STK24: variants seen among roughly 807,000 people sequenced by gnomAD.
STK24 encodes the protein serine/threonine kinase 24, also known as serine/threonine-protein kinase 24.
A neutral mutation model predicts 55.6 loss-of-function variants in STK24; 21 were observed. That is an observed-to-expected ratio of 0.38 (90% confidence interval 0.27 to 0.54). STK24 has a LOEUF of 0.54. STK24 is among the 20% of genes least tolerant of loss of function. The pLI is 0.79. For synonymous variants in STK24, 200 were observed against 215.2 expected (o/e 0.93, Z 0.62); for missense variants, 383 against 538.4 (o/e 0.71, Z 2.86).
chr13:98,508,678 C>A (rs1480596383), intron 2 of STK24: 1 of 152,140 alleles, frequency 6.6e-6, no homozygotes, highest in Non-Finnish European at 1.5e-5. Context: ...GGTTCCATGC[C>A]ATACGAGCTA....
intron 1 of STK24, among the ~76,000 whole-genome samples, chr13:98,559,848 GAAA>G (rs549972044): frequency 7.1e-6 from 1 of 140,148 alleles, no homozygotes; most frequent in Non-Finnish European, 1.6e-5. Context: ...TCACTGAAAG[GAAA>G]AAAAAAAAAG....
chr13:98,469,535 C>CA (rs1894058817), intron 5 of STK24, among the ~76,000 whole-genome samples: 1 of 86,336 alleles, frequency 1.2e-5, no homozygotes, highest in Admixed American at 1.0e-4. Context: ...GACCCTGCAT[C>CA]CCCCCCCCCA....
intron 5 of STK24, among the ~76,000 whole-genome samples, chr13:98,471,605 A>G (rs1894148301): frequency 6.6e-6 from 1 of 152,230 alleles, no homozygotes; most frequent in Non-Finnish European, 1.5e-5. Flanking sequence ...GCTTAGGTTA[A>G]GACTGACATA....
chr13:98,533,346 G>A (rs185377642), intron 1 of STK24, among the ~76,000 whole-genome samples: 20 of 152,232 alleles, frequency 1.3e-4, no homozygotes, highest in African/African-American at 3.9e-4. Context: ...GTGACAGAGC[G>A]AGACTATCTC....
chr13:98,575,910 C>T, intron 1 of STK24: 1 of 493,118 alleles, frequency 2.0e-6, no homozygotes, highest in Non-Finnish European at 2.6e-6. Context: ...AACAAAAAAC[C>T]TTTAACTTAT....
intron 3 of STK24, among the ~76,000 whole-genome samples, chr13:98,480,189 T>C: frequency 6.6e-6 from 1 of 152,236 alleles, no homozygotes; most frequent in East Asian, 1.9e-4. Context: ...GTTTTACCCT[T>C]CCTTCCAACT....
At chr13:98,551,285 CAA>C (rs35925473) in intron 1 of STK24, among the ~76,000 whole-genome samples, 4 of 119,754 alleles carry the variant, frequency 3.3e-5, no homozygotes, top group Admixed American at 8.8e-5. Flanking sequence ...GACTCTGTCT[CAA>C]AAAAAAAAAA....
chr13:98,480,573 T>C (rs904903746), intron 3 of STK24, among the ~76,000 whole-genome samples: 1 of 152,222 alleles, frequency 6.6e-6, no homozygotes, highest in African/African-American at 2.4e-5. Flanking sequence ...TATTAATTTT[T>C]CTTGAAATCT....
At chr13:98,512,342 T>C (rs188015409) in intron 2 of STK24, among the ~76,000 whole-genome samples, 230 of 152,110 alleles carry the variant, frequency 1.5e-3, no homozygotes, top group Non-Finnish European at 2.2e-3. Flanking sequence ...CTGCAAAATA[T>C]GAAAAACTCA....
Position 98,483,370 on chromosome 13 carries a change from T to G in STK24, c.274-1049A>C, listed in dbSNP as rs115572467. ...GCCTGCTCCGCTGCTGACTCAGGAC[T>G]CGGTGGTGGCTTTTGCACACATGGA... is the stretch of plus-strand genomic sequence containing the variant. On this transcript the variant is annotated intron_variant, in intron 2 of 10. Coordinates refer to ENST00000539966, the MANE Select transcript of STK24 (RefSeq NM_001032296.4). 7.9e-3 allele frequency among the ~76,000 whole-genome samples: 1,196 copies of G among 152,188 alleles called. 17 individuals carry two copies. The highest frequency in any genetic ancestry group is 0.027 in the African/African-American group (1,122 of 41,510).
Position 98,448,957 on chromosome 13 carries a change from T to C in STK24, c.*4216A>G, listed in dbSNP as rs1415817178. 2.0e-5 allele frequency: 3 copies of C among 152,224 alleles called. No homozygotes were observed. Among genetic ancestry groups the C allele is most frequent in the African/African-American group, 4.8e-5 (2 of 41,458 alleles). The allele number at this position is 152,224 out of a possible 1,614,324, so 9.4% of individuals were successfully genotyped here. A position where few individuals can be genotyped will look rare whatever the true frequency, so the allele number is the denominator to read the frequency against. On this transcript the variant is annotated 3_prime_UTR_variant, in exon 11 of 11. Coordinates refer to ENST00000539966, the MANE Select transcript of STK24 (RefSeq NM_001032296.4). Reference sequence around the variant, plus strand: ...TTCCCAACCTACTTCTTGGTGCAAGTTGACCAAATCGTTTTAAGTGGTAAC... The same window carrying C: ...TTCCCAACCTACTTCTTGGTGCAAGCTGACCAAATCGTTTTAAGTGGTAAC...
chr13:98,532,818 A>G (rs1040075061), intron 1 of STK24, among the ~76,000 whole-genome samples: 32 of 152,214 alleles, frequency 2.1e-4, no homozygotes, highest in African/African-American at 6.5e-4. Context: ...AGTTCTTCCT[A>G]GTCTGTGTCC....
At chr13:98,487,221 C>T (rs1894841157) in intron 2 of STK24, among the ~76,000 whole-genome samples, 1 of 152,190 alleles carries the variant, frequency 6.6e-6, no homozygotes, top group African/African-American at 2.4e-5. Flanking sequence ...GAACCACTGT[C>T]CTCATAAAAC....
chr13:98,512,801 G>T (rs190030217), intron 2 of STK24, among the ~76,000 whole-genome samples: 1 of 152,306 alleles, frequency 6.6e-6, no homozygotes, highest in Non-Finnish European at 1.5e-5. Flanking sequence ...ATTAACTTTT[G>T]TAGAAAGAGT....
Position 98,448,537 on chromosome 13 carries a change from GTTCTTTAGCTAGTGCCAGT to G in STK24, c.*4617_*4635del. 1 of 559,434 alleles carries G rather than the reference GTTCTTTAGCTAGTGCCAGT, an allele frequency of 1.8e-6. No homozygotes were observed. Among genetic ancestry groups the G allele is most frequent in the Non-Finnish European group, 3.2e-6 (1 of 313,474 alleles). 34.7% of individuals were successfully genotyped at this position (559,434 alleles called of 1,614,324 possible). The stretch of plus-strand genomic sequence containing the variant: ...AGTCCTGGCATCCGCTGGGGGCGCT[GTTCTTTAGCTAGTGCCAGT>G]ATTAAAACATTGTCATTACGAGAGT... On this transcript the variant is annotated 3_prime_UTR_variant, in exon 11 of 11. Transcript: ENST00000539966.
intron 6 of STK24, among the ~76,000 whole-genome samples, chr13:98,464,279 C>T (rs1365292308): frequency 2.0e-5 from 3 of 151,538 alleles, no homozygotes; most frequent in South Asian, 2.1e-4. Flanking sequence ...TTTAGCCGGG[C>T]GTGGTGGTGG....
intron 3 of STK24, among the ~76,000 whole-genome samples, chr13:98,478,546 T>A (rs1894469806): frequency 6.6e-6 from 1 of 152,220 alleles, no homozygotes; most frequent in African/African-American, 2.4e-5. Flanking sequence ...GCACAGACCG[T>A]GACGGTATGG....
chr13:98,468,368 G>A (rs1566350568), intron 5 of STK24, among the ~76,000 whole-genome samples: 1 of 152,202 alleles, frequency 6.6e-6, no homozygotes, highest in Non-Finnish European at 1.5e-5. Flanking sequence ...ATCTTGCATT[G>A]CATTATCTTA....
At chr13:98,455,932 T>C (rs941769228) in intron 10 of STK24, 16 of 152,542 alleles carry the variant, frequency 1.0e-4, no homozygotes, top group African/African-American at 3.8e-4. Context: ...GAATGAGGTA[T>C]GTGATGCTAA....
Sources: allele counts gnomAD v4.1 joint callset (sites outside exome capture counted in the v4.1 genomes callset), GRCh38; gene constraint gnomAD v4.1.1; transcripts MANE v1.5; gene names NCBI Gene and HGNC (gene_info 2026-07-23, HGNC 2026-07-21).